The following TIAM1 variants were observed in gnomAD, a reference collection of about 807,000 sequenced individuals.
The protein encoded by TIAM1 is rho guanine nucleotide exchange factor TIAM1.
Under a neutral mutation model 163.5 loss-of-function variants are expected in TIAM1, and 65 were observed. The observed-to-expected ratio is 0.40, with a 90% CI of 0.33 to 0.49. The LOEUF is 0.49. TIAM1 is among the 20% of genes least tolerant of loss of function. The pLI is 0.77. For missense variants in TIAM1, 1,789 were observed against 2,044.7 expected (o/e 0.87, Z 2.41); for synonymous variants, 833 against 810.1 (o/e 1.03, Z -0.48).
In TIAM1 at chr21:31,202,899, T is replaced by TA; in HGVS notation, c.2493+8dup. On this transcript the variant is annotated intron_variant, in intron 12 of 27. Transcript: ENST00000541036. ...ATAAAGTGTGCTTGGACAACAGTCA[T>TA]AACATTACCAGCTCATAGATGTCTT... is the stretch of plus-strand genomic sequence containing the variant. The TA allele has an allele frequency of 5.0e-6, 8 of 1,611,000 alleles. No homozygotes were observed. Among genetic ancestry groups the TA allele is most frequent in the Non-Finnish European group, 6.8e-6 (8 of 1,177,234 alleles).
In TIAM1 at chr21:31,266,286, G is replaced by C. The variant is rs1267465028; in HGVS notation, c.687C>G (p.Ala229=). 1 of 1,614,204 alleles carries C rather than the reference G, an allele frequency of 6.2e-7. No individual in the cohort carries two copies. Among genetic ancestry groups the C allele is most frequent in the East Asian group, 2.2e-5 (1 of 44,876 alleles). Reference sequence around the variant, plus strand: ...GAGCATACAAGTCACCCAAGGAATTGGCTCTCTGACAGGTGCTGAGCTGCC... The same window carrying C: ...GAGCATACAAGTCACCCAAGGAATTCGCTCTCTGACAGGTGCTGAGCTGCC... ...SPRQLSTCQR[A]NSLGDLYAQK... Residue 229 remains alanine, a synonymous_variant, in exon 4 of 28, where the codon GCC becomes GCG. Coordinates refer to ENST00000541036, the MANE Select transcript of TIAM1 (RefSeq NM_001353694.2).
chr21:31,274,298 C>T (rs1000121810), intron 3 of TIAM1, among the ~76,000 whole-genome samples: 4 of 152,028 alleles, frequency 2.6e-5, no homozygotes, highest in Non-Finnish European at 5.9e-5. Flanking sequence ...ACAGCACGTA[C>T]CTTGCATTTT....
intron 10 of TIAM1, among the ~76,000 whole-genome samples, chr21:31,210,612 AGGG>A (rs747010289): frequency 8.8e-4 from 57 of 65,032 alleles, no homozygotes; most frequent in Middle Eastern, 7.5e-3. Context: ...GAAGGAAGGA[AGGG>A]AGAAAGAAAG....
chr21:31,471,631 A>T (rs1415915830), intron 1 of TIAM1, among the ~76,000 whole-genome samples: 2 of 152,004 alleles, frequency 1.3e-5, no homozygotes, highest in Non-Finnish European at 2.9e-5. Context: ...GCACTTTGGG[A>T]GGCTGAGACG....
intron 2 of TIAM1, among the ~76,000 whole-genome samples, chr21:31,376,793 C>A (rs1393938964): frequency 1.3e-5 from 2 of 151,790 alleles, no homozygotes; most frequent in Non-Finnish European, 2.9e-5. Context: ...TGATGGAGCT[C>A]CAATCTAGAA....
chr21:31,501,062 GT>G (rs1193694519), intron 1 of TIAM1, among the ~76,000 whole-genome samples: 1 of 152,144 alleles, frequency 6.6e-6, no homozygotes, highest in African/African-American at 2.4e-5. Context: ...AAATGTGGGT[GT>G]TTTGTTGGTT....
At chr21:31,175,048 T>C (rs1245906188) in intron 15 of TIAM1, among the ~76,000 whole-genome samples, 1 of 152,226 alleles carries the variant, frequency 6.6e-6, no homozygotes, top group African/African-American at 2.4e-5. Flanking sequence ...GCTCAAGTGA[T>C]CCTCCTGCTT....
At chr21:31,365,127 C>A (rs2076477051) in intron 2 of TIAM1, among the ~76,000 whole-genome samples, 1 of 152,088 alleles carries the variant, frequency 6.6e-6, no homozygotes. Context: ...TGGAATTTGG[C>A]CCTCAGGCCA....
At chr21:31,373,055 C>CA (rs71193110) in intron 2 of TIAM1, among the ~76,000 whole-genome samples, 23,951 of 101,774 alleles carry the variant, frequency 0.24, 2,570 homozygotes, top group East Asian at 0.33. Flanking sequence ...AACTCTGTCT[C>CA]AAAAAAAAAA....
At chr21:31,173,934 T>C (rs1327144463) in intron 15 of TIAM1, among the ~76,000 whole-genome samples, 1 of 152,292 alleles carries the variant, frequency 6.6e-6, no homozygotes, top group East Asian at 1.9e-4. Flanking sequence ...CCCCCGGCCA[T>C]AGCAGGGCCC....
intron 11 of TIAM1, among the ~76,000 whole-genome samples, chr21:31,206,962 T>C (rs1457875522): frequency 1.4e-5 from 2 of 139,736 alleles, no homozygotes; most frequent in Non-Finnish European, 3.0e-5. Context: ...CAAAGTGCTA[T>C]TGTAGAATTT....
intron 3 of TIAM1, 91 bp from the exon 4 acceptor site, chr21:31,267,074 C>T (rs2072818709): frequency 4.7e-6 from 7 of 1,488,802 alleles, no homozygotes; most frequent in Non-Finnish European, 6.2e-6. Context: ...GCAGGGAGGG[C>T]AGAACACCTT....
At chr21:31,134,078 C>CA (rs547096636) in intron 23 of TIAM1, among the ~76,000 whole-genome samples, 23 of 151,950 alleles carry the variant, frequency 1.5e-4, no homozygotes, top group East Asian at 7.7e-4. Flanking sequence ...CCAGAAAAAC[C>CA]AAAAAAACAA....
chr21:31,431,056 G>A (rs1404023395), intron 2 of TIAM1, among the ~76,000 whole-genome samples: 1 of 152,120 alleles, frequency 6.6e-6, no homozygotes, highest in East Asian at 1.9e-4. Context: ...CCCCAGAGGT[G>A]ACCAGGCCCT....
intron 20 of TIAM1, among the ~76,000 whole-genome samples, chr21:31,146,403 CAAA>C (rs10542614): frequency 0.039 from 3,540 of 89,876 alleles, 140 homozygotes; most frequent in African/African-American, 0.13. Context: ...GGCTCTGTGT[CAAA>C]AAAAAAAAAA....
intron 2 of TIAM1, among the ~76,000 whole-genome samples, chr21:31,278,494 C>A (rs2073402600): frequency 6.6e-6 from 1 of 152,202 alleles, no homozygotes; most frequent in Non-Finnish European, 1.5e-5. Flanking sequence ...CCCAGACATT[C>A]CCCTGGGGCT....
intron 11 of TIAM1, among the ~76,000 whole-genome samples, chr21:31,204,580 T>C (rs149545745): frequency 1.1e-3 from 165 of 152,320 alleles, no homozygotes; most frequent in African/African-American, 3.7e-3. Context: ...GTAATATATA[T>C]TCAGTTACAC....
intron 2 of TIAM1, among the ~76,000 whole-genome samples, chr21:31,436,664 T>A (rs184413697): frequency 8.7e-4 from 131 of 151,174 alleles, no homozygotes; most frequent in Non-Finnish European, 1.6e-3. Context: ...TTAATTAATT[T>A]AAAAAAATAT....
intron 6 of TIAM1, among the ~76,000 whole-genome samples, chr21:31,238,659 C>G (rs1483489992): frequency 6.6e-6 from 1 of 152,140 alleles, no homozygotes. Flanking sequence ...GCAAGAATAA[C>G]CAAAATCAGG....
Sources: gnomAD v4.1 joint callset for allele counts (sites outside exome capture counted in the v4.1 genomes callset) on GRCh38, gnomAD v4.1.1 for gene constraint, MANE v1.5 for transcripts, NCBI Gene and HGNC (gene_info 2026-07-23, HGNC 2026-07-21) for gene names.